Variants in PCDH15 observed in about 807,000 individuals in gnomAD.
PCDH15 encodes protocadherin-15.
Under a neutral mutation model 178.5 loss-of-function variants are expected in PCDH15, and 129 were observed. The ratio of observed to expected loss-of-function variants is 0.72; its 90% CI spans 0.63 to 0.84. PCDH15 has a LOEUF of 0.84. PCDH15 is among the 40% of genes least tolerant of loss of function. The probability of loss-of-function intolerance (pLI) is 0.00; values close to 1 mark genes in which losing one functional copy is unlikely to be tolerated. For synonymous variants in PCDH15, 800 were observed against 732.0 expected, an observed-to-expected ratio of 1.09 and a Z score of -1.50; for missense variants, 2,230 against 2,099.9, an observed-to-expected ratio of 1.06 and a Z score of -1.21.
chr10:55,198,509 C>T (rs1170085350), intron 1 of PCDH15, among the ~76,000 whole-genome samples: 3 of 152,010 alleles, frequency 2.0e-5, no homozygotes, highest in Admixed American at 6.5e-5. Context: ...TTTTTTGAGA[C>T]GGAGTCTCGC....
At chr10:54,155,761 C>T (rs1468235629) in intron 13 of PCDH15, among the ~76,000 whole-genome samples, 1 of 147,218 alleles carries the variant, frequency 6.8e-6, no homozygotes, top group Non-Finnish European at 1.5e-5. Flanking sequence ...CATGCCACTG[C>T]ACTCCAGCCT....
At chr10:55,513,865 T>C (rs1040540458) in intron 2 of PCDH15, among the ~76,000 whole-genome samples, 3 of 152,024 alleles carry the variant, frequency 2.0e-5, no homozygotes, top group African/African-American at 7.2e-5. Context: ...TTCCTAATCT[T>C]CTACTTCAAT....
chr10:53,896,115 T>C (rs1159075835), intron 26 of PCDH15, among the ~76,000 whole-genome samples: 1 of 152,132 alleles, frequency 6.6e-6, no homozygotes, highest in Non-Finnish European at 1.5e-5. Flanking sequence ...TTTTATTTAT[T>C]CATTTTATTT....
At chr10:55,088,926 A>C (rs16906911) in intron 2 of PCDH15, among the ~76,000 whole-genome samples, 6,174 of 152,214 alleles carry the variant, frequency 0.041, 302 homozygotes, top group East Asian at 0.15. Flanking sequence ...AAACATATAT[A>C]TTTGAATTTG....
At chr10:54,741,458 A>G (rs1259720170) in intron 1 of PCDH15, among the ~76,000 whole-genome samples, 1 of 152,002 alleles carries the variant, frequency 6.6e-6, no homozygotes, top group Non-Finnish European at 1.5e-5. Flanking sequence ...TTAGTGAAGC[A>G]TAATCACTGA....
chr10:54,373,001 T>C (rs1359699533), intron 4 of PCDH15, among the ~76,000 whole-genome samples: 2 of 151,854 alleles, frequency 1.3e-5, no homozygotes, highest in Admixed American at 6.6e-5. Context: ...ATGTAAAAAT[T>C]TTGTAACTCT....
At chr10:54,506,413 ATGAGT>A (rs1284809648) in intron 3 of PCDH15, among the ~76,000 whole-genome samples, 1 of 152,020 alleles carries the variant, frequency 6.6e-6, no homozygotes, top group Non-Finnish European at 1.5e-5. Flanking sequence ...AGTTTTTGAG[ATGAGT>A]TTTTTTTTGA....
intron 2 of PCDH15, among the ~76,000 whole-genome samples, chr10:54,993,969 C>A (rs1160786325): frequency 6.6e-6 from 1 of 152,020 alleles, no homozygotes; most frequent in East Asian, 1.9e-4. Flanking sequence ...AAACACTTTT[C>A]ACCTGAAATC....
intron 2 of PCDH15, among the ~76,000 whole-genome samples, chr10:54,540,872 G>A (rs550486082): frequency 2.6e-5 from 4 of 152,216 alleles, no homozygotes; most frequent in Admixed American, 2.6e-4. Flanking sequence ...TTCAATAAAT[G>A]TGATTCATCA....
intron 1 of PCDH15, among the ~76,000 whole-genome samples, chr10:55,266,214 T>C (rs1257003447): frequency 6.6e-6 from 1 of 151,842 alleles, no homozygotes; most frequent in Non-Finnish European, 1.5e-5. Flanking sequence ...TTTTTTTTCT[T>C]CTCATGCCTA....
At chr10:53,934,821 T>A (rs1277406875) in intron 25 of PCDH15, among the ~76,000 whole-genome samples, 1 of 152,058 alleles carries the variant, frequency 6.6e-6, no homozygotes, top group African/African-American at 2.4e-5. Flanking sequence ...TGCTCCAGCA[T>A]AAGTTCCAAT....
At chr10:55,020,296 G>A (rs1159609508) in intron 2 of PCDH15, among the ~76,000 whole-genome samples, 1 of 151,680 alleles carries the variant, frequency 6.6e-6, no homozygotes, top group Non-Finnish European at 1.5e-5. Context: ...TAGCTGATGA[G>A]GGGATTTGGG....
chr10:54,117,864 G>A (rs896248955), intron 15 of PCDH15, among the ~76,000 whole-genome samples: 1 of 152,072 alleles, frequency 6.6e-6, no homozygotes, highest in African/African-American at 2.4e-5. Context: ...GCTGAGTCTG[G>A]GGGTTTTAAT....
At chr10:54,747,344 A>C (rs1260043432) in intron 1 of PCDH15, among the ~76,000 whole-genome samples, 1 of 152,110 alleles carries the variant, frequency 6.6e-6, no homozygotes, top group Admixed American at 6.6e-5. Flanking sequence ...CTTTCCTACA[A>C]AATGTTTTGT....
chr10:54,303,959 A>AT (rs928097740), intron 8 of PCDH15, among the ~76,000 whole-genome samples: 1 of 152,050 alleles, frequency 6.6e-6, no homozygotes, highest in Non-Finnish European at 1.5e-5. Flanking sequence ...CTTAAAAGCA[A>AT]TTTTTTAAGA....
intron 1 of PCDH15, among the ~76,000 whole-genome samples, chr10:54,776,032 G>GT (rs1949666956): frequency 6.6e-6 from 1 of 152,120 alleles, no homozygotes; most frequent in African/African-American, 2.4e-5. Flanking sequence ...ACCATGCAGT[G>GT]TTTAACTTTT....
At chr10:54,752,484 A>G (rs902865884) in intron 1 of PCDH15, among the ~76,000 whole-genome samples, 9 of 98,948 alleles carry the variant, frequency 9.1e-5, no homozygotes, top group African/African-American at 2.9e-4. Flanking sequence ...CTCAAAAAAA[A>G]AAAAAAACAA....
At chr10:54,539,290 A>G (rs2084931437) in intron 2 of PCDH15, among the ~76,000 whole-genome samples, 1 of 152,196 alleles carries the variant, frequency 6.6e-6, no homozygotes, top group African/African-American at 2.4e-5. Flanking sequence ...AGAAAGATCT[A>G]TCATGCAAAC....
chr10:54,451,402 G>A (rs1223772886), intron 3 of PCDH15, among the ~76,000 whole-genome samples: 1 of 151,940 alleles, frequency 6.6e-6, no homozygotes, highest in South Asian at 2.1e-4. Flanking sequence ...GTTTGGATGA[G>A]TCTGAACAAC....
Sources: allele counts gnomAD v4.1 joint callset (sites outside exome capture counted in the v4.1 genomes callset), GRCh38; gene constraint gnomAD v4.1.1; transcripts MANE v1.5; gene names NCBI Gene and HGNC (gene_info 2026-07-23, HGNC 2026-07-21).